PCA3: variants seen among roughly 807,000 people sequenced by gnomAD.
PCA3 encodes prostate cancer associated 3, also known as Differential Display code 3.
chr9:76,785,563 G>A (rs1589224377), intron 2 of PCA3: 1 of 152,282 alleles, frequency 6.6e-6, no homozygotes, highest in Non-Finnish European at 1.5e-5. Context: ...TTCATGGTGA[G>A]TGCGCTTTAG....
At chr9:76,764,836 T>C (rs775997592) in intron 2 of PCA3, among the ~76,000 whole-genome samples, 30 of 152,134 alleles carry the variant, frequency 2.0e-4, no homozygotes, top group Non-Finnish European at 4.3e-4. Flanking sequence ...TCCACTGGAA[T>C]GGAAGGTACT....
intron 2 of PCA3, among the ~76,000 whole-genome samples, chr9:76,768,776 T>C (rs2052749544): frequency 6.6e-6 from 1 of 152,226 alleles, no homozygotes; most frequent in African/African-American, 2.4e-5. Context: ...GAATCTTCTA[T>C]GATTTAATCA....
chr9:76,777,372 T>C (rs1424450998), intron 2 of PCA3, among the ~76,000 whole-genome samples: 2 of 152,120 alleles, frequency 1.3e-5, no homozygotes, highest in African/African-American at 4.8e-5. Flanking sequence ...AAAATCGAAG[T>C]AAGCAGGAGC....
chr9:76,766,847 C>T (rs183225535), intron 2 of PCA3, among the ~76,000 whole-genome samples: 1 of 152,194 alleles, frequency 6.6e-6, no homozygotes, highest in Non-Finnish European at 1.5e-5. Context: ...CACTGTTCTG[C>T]GGTCCAACCC....
At chr9:76,777,107 T>C (rs2053889691) in intron 2 of PCA3, among the ~76,000 whole-genome samples, 2 of 151,942 alleles carry the variant, frequency 1.3e-5, no homozygotes, top group South Asian at 2.1e-4. Context: ...AGGTTGTATA[T>C]TGCTGAGAGA....
At chr9:76,767,260 T>C (rs2052512247) in intron 2 of PCA3, among the ~76,000 whole-genome samples, 1 of 152,132 alleles carries the variant, frequency 6.6e-6, no homozygotes, top group Admixed American at 6.5e-5. Context: ...AAGACCGGCC[T>C]GACCAACATG....
At chr9:76,782,038 C>T (rs915736532) in intron 2 of PCA3, among the ~76,000 whole-genome samples, 1 of 152,064 alleles carries the variant, frequency 6.6e-6, no homozygotes, top group Non-Finnish European at 1.5e-5. Flanking sequence ...CACGGTGAAA[C>T]CCCATCTCTA....
chr9:76,774,460 T>TATTTATTTATTTATTTATTA (rs1564272674), intron 2 of PCA3, among the ~76,000 whole-genome samples: 2 of 138,580 alleles, frequency 1.4e-5, no homozygotes, highest in Non-Finnish European at 3.2e-5. Context: ...CTTTTTTTTT[T>TATTTATTTATTTATTTATTA]TTTTTTTTTT....
chr9:76,778,343 C>T (rs1380712144), intron 2 of PCA3: 3 of 152,168 alleles, frequency 2.0e-5, no homozygotes, highest in South Asian at 2.1e-4. Context: ...ACAACAAATT[C>T]AATAAATTAA....
chr9:76,770,435 T>C (rs2052965695), intron 2 of PCA3, among the ~76,000 whole-genome samples: 1 of 152,192 alleles, frequency 6.6e-6, no homozygotes. Context: ...TTTTAAAATA[T>C]GTTAATGGCT....
chr9:76,765,554 A>G (rs574155931), intron 2 of PCA3, among the ~76,000 whole-genome samples: 1 of 152,246 alleles, frequency 6.6e-6, no homozygotes, highest in African/African-American at 2.4e-5. Flanking sequence ...TCTGATGGGG[A>G]GGTGGCTCAA....
intron 2 of PCA3, among the ~76,000 whole-genome samples, chr9:76,771,153 G>C (rs1464882894): frequency 6.6e-6 from 1 of 152,076 alleles, no homozygotes; most frequent in Admixed American, 6.6e-5. Context: ...ATAGAAACTA[G>C]ACATGATTTA....
chr9:76,784,356 A>G (rs565061988), intron 2 of PCA3: 1 of 152,368 alleles, frequency 6.6e-6, no homozygotes, highest in Non-Finnish European at 1.5e-5. Flanking sequence ...TGGCTTCACA[A>G]GACATGCAAC....
intron 2 of PCA3, among the ~76,000 whole-genome samples, chr9:76,781,465 G>A (rs1427707427): frequency 6.6e-6 from 1 of 152,124 alleles, no homozygotes; most frequent in Non-Finnish European, 1.5e-5. Context: ...CCTTTGCCTG[G>A]AATGCTCTTA....
In PCA3 at chr9:76,770,825, C is replaced by T. The variant is rs551336995; in HGVS notation, n.852+34210C>T. 9.9e-5 allele frequency among the ~76,000 whole-genome samples: 15 copies of T among 152,126 alleles called. 1 individual carries two copies. Among genetic ancestry groups the T allele is most frequent in the Admixed American group, 2.0e-4 (3 of 15,262 alleles). ...GTGGAGAAATCCAGAAATGACTGCT[C>T]ATAATGGTCAGTATGATTAGTACCT... On this transcript the variant is annotated intron_variant and non_coding_transcript_variant, in intron 2 of 5. Transcript: ENST00000644657.
intron 2 of PCA3, among the ~76,000 whole-genome samples, chr9:76,782,447 G>A (rs2054516814): frequency 1.3e-5 from 2 of 152,166 alleles, no homozygotes; most frequent in South Asian, 2.1e-4. Flanking sequence ...CCTTGGGAAA[G>A]TTATTCTCTC....
In PCA3 at chr9:76,767,366, G is replaced by A. The variant is rs546264835; in HGVS notation, n.852+30751G>A. Among the ~76,000 whole-genome samples, 16 of 152,034 alleles carry A rather than the reference G, an allele frequency of 1.1e-4. No individual in the cohort carries two copies. In the East Asian group the frequency reaches 1.9e-3, roughly 18 times the overall value. On this transcript the variant is annotated intron_variant and non_coding_transcript_variant, in intron 2 of 5. Coordinates refer to ENST00000644657, the Ensembl canonical transcript of PCA3. ...CTCGAGAGGCCGAGGCAGGAGAATA[G>A]CTTGAACTCGGGAGGCAGAGGTTGC...
intron 2 of PCA3, among the ~76,000 whole-genome samples, chr9:76,774,443 T>G: frequency 6.8e-6 from 1 of 146,866 alleles, no homozygotes. Flanking sequence ...TGGCCTCCAG[T>G]TCAACCCTTT....
intron 2 of PCA3, among the ~76,000 whole-genome samples, chr9:76,774,049 T>C (rs981007191): frequency 6.6e-6 from 1 of 152,242 alleles, no homozygotes; most frequent in African/African-American, 2.4e-5. Flanking sequence ...AATTGGGTCA[T>C]TTCAAATAAT....
Sources: gnomAD v4.1 joint callset for allele counts (sites outside exome capture counted in the v4.1 genomes callset) on GRCh38, gnomAD v4.1.1 for gene constraint, MANE v1.5 for transcripts, NCBI Gene and HGNC (gene_info 2026-07-23, HGNC 2026-07-21) for gene names.